The following NUDCD2 variants were observed in gnomAD, a reference collection of about 807,000 sequenced individuals.
NUDCD2 encodes NudC domain containing 2, also known as nudC domain-containing protein 2.
Under a neutral mutation model 20.8 loss-of-function variants are expected in NUDCD2, and 16 were observed. The observed-to-expected ratio is 0.77, with a 90% CI of 0.52 to 1.17. NUDCD2 has a LOEUF of 1.17. Among genes scored for constraint, NUDCD2 ranks in the 50% most tolerant of loss-of-function variants. The probability of loss-of-function intolerance (pLI) is 0.00; values close to 1 mark genes in which losing one functional copy is unlikely to be tolerated. For synonymous variants in NUDCD2, 87 were observed against 72.8 expected (o/e 1.20, Z -1.00); for missense variants, 199 against 193.9 (o/e 1.03, Z -0.16).
rs969844678 is a variant in NUDCD2 at position 163,449,948 on chromosome 5, A to C, written c.*4019T>G. The C allele has an allele frequency of 6.6e-6, 1 of 152,174 alleles. No homozygotes were observed. The allele number at this position is 152,174 out of a possible 1,614,324, so 9.4% of individuals were successfully genotyped here. A position where few individuals can be genotyped will look rare whatever the true frequency, so the allele number is the denominator to read the frequency against. ...TCTAAATGTAGAACTAAATTTATAA[A>C]ATTTTTAGAAGAAAAAAATCCATAG... is the stretch of plus-strand genomic sequence containing the variant. On this transcript the variant is annotated 3_prime_UTR_variant, in exon 4 of 4. Coordinates refer to ENST00000302764, the MANE Select transcript of NUDCD2 (RefSeq NM_145266.6).
In NUDCD2 at chr5:163,460,007, C is replaced by G; in HGVS notation, c.44G>C (p.Gly15Ala). 1 of 1,612,466 alleles carries G rather than the reference C, an allele frequency of 6.2e-7. No individual in the cohort carries two copies. Among genetic ancestry groups the G allele is most frequent in the South Asian group, 1.1e-5 (1 of 90,972 alleles). Residue 15 changes from glycine (G) to alanine (A), a missense_variant, in exon 1 of 4, where the codon GGG (glycine) becomes GCG (alanine). Physicochemically the swap from Gly to Ala is moderately conservative, Grantham distance 60. Coordinates refer to ENST00000302764, the MANE Select transcript of NUDCD2 (RefSeq NM_145266.6). The stretch of plus-strand genomic sequence containing the variant: ...CTGGTACCACTGGCCCCACGGGGTC[C>G]CGCACGGTACCACCCCACTCCGCTC... Reference protein sequence around the residue: ...FEERSGVVPCGTPWGQWYQTL... With the variant: ...FEERSGVVPCATPWGQWYQTL...
In NUDCD2 at chr5:163,456,971, G is replaced by A. The variant is rs1464763795; in HGVS notation, c.348C>T (p.Asp116=). Residue 116 remains aspartate, a synonymous_variant, in exon 3 of 4, where the codon GAC becomes GAT. Coordinates refer to ENST00000302764, the MANE Select transcript of NUDCD2 (RefSeq NM_145266.6). ...SEYAADPWVQ[D]QMQRKLTLER... is the part of the protein sequence containing the mutation. ...CTAATGTAAGCTTTCTCTGCATTTG[G>A]TCTTGCACCCAAGGATCCGCTGCAT... 6.2e-7 allele frequency: 1 copy of A among 1,612,092 alleles called. No homozygotes were observed. Among genetic ancestry groups the A allele is most frequent in the Non-Finnish European group, 8.5e-7 (1 of 1,179,226 alleles).
At position 163,460,093 on chromosome 5, in the gene NUDCD2, G is replaced by A. The variant is rs767189408; in HGVS notation, c.-43C>T. On this transcript the variant is annotated 5_prime_UTR_variant, in exon 1 of 4. Transcript: ENST00000302764. ...CCGCGGCCGCACCAGGCGGAGCCGAGCGCACGCGCGGAATCCCACGCTTAG... is the reference window on the plus strand; with the variant it reads ...CCGCGGCCGCACCAGGCGGAGCCGAACGCACGCGCGGAATCCCACGCTTAG... 1 of 1,497,100 alleles carries A rather than the reference G, an allele frequency of 6.7e-7. No homozygotes were observed. Among genetic ancestry groups the A allele is most frequent in the Non-Finnish European group, 8.9e-7 (1 of 1,122,388 alleles). 92.7% of individuals were successfully genotyped at this position (1,497,100 alleles called of 1,614,324 possible).
At position 163,453,041 on chromosome 5, in the gene NUDCD2, T is replaced by G. The variant is rs1758215327; in HGVS notation, c.*926A>C. 6.6e-6 allele frequency: 1 copy of G among 152,312 alleles called. No individual in the cohort carries two copies. The allele number at this position is 152,312 out of a possible 1,614,324, so 9.4% of individuals were successfully genotyped here. A position where few individuals can be genotyped will look rare whatever the true frequency, so the allele number is the denominator to read the frequency against. On this transcript the variant is annotated 3_prime_UTR_variant, in exon 4 of 4. Coordinates refer to ENST00000302764, the MANE Select transcript of NUDCD2 (RefSeq NM_145266.6). ...ACGTAAATTTCCTGATTCTAATGGT[T>G]GCATTGTAGTCATGTAAGATAATTT...
At chr5:163,455,241 T>G (rs1758273375) in intron 3 of NUDCD2, among the ~76,000 whole-genome samples, 1 of 152,266 alleles carries the variant, frequency 6.6e-6, no homozygotes, top group Non-Finnish European at 1.5e-5. Flanking sequence ...ACATAAAAGT[T>G]AGCCAAACTG....
intron 2 of NUDCD2, 58 bp downstream of exon 2, chr5:163,457,501 AGAG>A (rs1758353299): frequency 1.0e-6 from 1 of 986,436 alleles, no homozygotes; most frequent in Non-Finnish European, 1.6e-6. Context: ...CTAATACAAA[AGAG>A]GAAAAGATAT....
In NUDCD2 at chr5:163,449,460, CTGAAA is replaced by C. The variant is rs1056696342; in HGVS notation, c.*4502_*4506del. 1.3e-5 allele frequency: 2 copies of C among 152,080 alleles called. No homozygotes were observed. The highest frequency in any genetic ancestry group is 2.9e-5 in the Non-Finnish European group (2 of 68,020). The allele number at this position is 152,080 out of a possible 1,614,324, so 9.4% of individuals were successfully genotyped here. A position where few individuals can be genotyped will look rare whatever the true frequency, so the allele number is the denominator to read the frequency against. On this transcript the variant is annotated 3_prime_UTR_variant, in exon 4 of 4. Coordinates refer to ENST00000302764, the MANE Select transcript of NUDCD2 (RefSeq NM_145266.6). ...GAAAAATGACATAAAATGCTGATAA[CTGAAA>C]TGAAAGAGGTCCTAAATAGATACCT...
At chr5:163,455,684 A>T (rs1043172019) in intron 3 of NUDCD2, among the ~76,000 whole-genome samples, 2 of 151,064 alleles carry the variant, frequency 1.3e-5, no homozygotes, top group Non-Finnish European at 3.0e-5. Context: ...GACTGGCGGG[A>T]ATCCGGGAGG....
rs1272051203 is a variant in NUDCD2, at chr5:163,448,744, T to C, written c.*5223A>G. 1 of 152,130 alleles carries C rather than the reference T, an allele frequency of 6.6e-6. No individual in the cohort carries two copies. The highest frequency in any genetic ancestry group is 1.5e-5 in the Non-Finnish European group (1 of 68,006). 9.4% of individuals were successfully genotyped at this position (152,130 alleles called of 1,614,324 possible). A position where few individuals can be genotyped will look rare whatever the true frequency, so the allele number is the denominator to read the frequency against. On this transcript the variant is annotated 3_prime_UTR_variant, in exon 4 of 4. Transcript: ENST00000302764. ...TAAAAATCCTCAAAAAATAAAAATC[T>C]AGATACATAAGCTGAATAATGTACC...
chr5:163,457,224 C>CG (rs1554095189), intron 2 of NUDCD2, 144 bp from the exon 3 acceptor site: 12 of 832,376 alleles, frequency 1.4e-5, no homozygotes, highest in Admixed American at 9.8e-5. Context: ...CTCCGCCCCC[C>CG]GGGTTCAAGT....
rs1397601193 is a variant in NUDCD2 at position 163,447,458 on chromosome 5, A to C, written c.*6509T>G. On this transcript the variant is annotated 3_prime_UTR_variant, in exon 4 of 4. Transcript: ENST00000302764. ...AGGGTAAGACTCAAAAAAAAAAAAA[A>C]AAACATGAAGCAAAAAGTGGTAGCA... 6.6e-6 allele frequency: 1 copy of C among 152,090 alleles called. No individual in the cohort carries two copies. The highest frequency in any genetic ancestry group is 6.6e-5 in the Admixed American group (1 of 15,266). The allele number at this position is 152,090 out of a possible 1,614,324, so 9.4% of individuals were successfully genotyped here.
chr5:163,453,001 GGTA>G lies in NUDCD2; in HGVS notation c.*963_*965del, dbSNP rs1758214099. ...TGAAGTGAAGATCTGAGGATTAGAG[GGTA>G]GTAATGTGTCAACGTAAATTTCCTG... On this transcript the variant is annotated 3_prime_UTR_variant, in exon 4 of 4. Coordinates refer to ENST00000302764, the MANE Select transcript of NUDCD2 (RefSeq NM_145266.6). 6.6e-6 allele frequency: 1 copy of G among 152,088 alleles called. No individual in the cohort carries two copies. Among genetic ancestry groups the G allele is most frequent in the African/African-American group, 2.4e-5 (1 of 41,424 alleles). 9.4% of individuals were successfully genotyped at this position (152,088 alleles called of 1,614,324 possible). A position where few individuals can be genotyped will look rare whatever the true frequency, so the allele number is the denominator to read the frequency against.
chr5:163,454,013 C>A lies in NUDCD2; in HGVS notation c.428G>T (p.Gly143Val). The A allele has an allele frequency of 6.4e-7, 1 of 1,558,974 alleles. No homozygotes were observed. Among genetic ancestry groups the A allele is most frequent in the South Asian group, 1.2e-5 (1 of 81,442 alleles). ...ATCTGGTCCACCTTTAGTGTAGTTT[C>A]CTGAGATTTCTGCTCCACTGAAGTC... Reference protein sequence around the residue: ...GFDFSGAEISGNYTKGGPDFS... With the variant: ...GFDFSGAEISVNYTKGGPDFS... The change falls in exon 4 of 4, where the codon GGA (glycine) becomes GTA (valine). Residue 143 changes from glycine to valine, a missense_variant. By Grantham distance (109) the Gly-to-Val change is moderately radical. Transcript: ENST00000302764.
At position 163,460,077 on chromosome 5, in the gene NUDCD2, C is replaced by A. The variant is rs772366099; in HGVS notation, c.-27G>T. 6.6e-7 allele frequency: 1 copy of A among 1,522,840 alleles called. No homozygotes were observed. The highest frequency in any genetic ancestry group is 1.3e-5 in the South Asian group (1 of 78,940). The allele number at this position is 1,522,840 out of a possible 1,614,324, so 94.3% of individuals were successfully genotyped here. On this transcript the variant is annotated 5_prime_UTR_variant, in exon 1 of 4. Transcript: ENST00000302764. Reference sequence around the variant, plus strand: ...ATCCAGTCCCTCCCGGCCGCGGCCGCACCAGGCGGAGCCGAGCGCACGCGC... The same window carrying A: ...ATCCAGTCCCTCCCGGCCGCGGCCGAACCAGGCGGAGCCGAGCGCACGCGC...
chr5:163,458,540 A>G (rs1758382592), intron 1 of NUDCD2, among the ~76,000 whole-genome samples: 1 of 152,106 alleles, frequency 6.6e-6, no homozygotes, highest in Non-Finnish European at 1.5e-5. Context: ...GCTGTGAGCT[A>G]CAATCTCACC....
chr5:163,459,732 G>T, intron 1 of NUDCD2, 130 bp downstream of exon 1: 1 of 738,002 alleles, frequency 1.4e-6, no homozygotes, highest in Non-Finnish European at 2.1e-6. Flanking sequence ...ACCCAAACCT[G>T]GTCAGTGTTA....
At chr5:163,458,032 A>G (rs13175570) in intron 1 of NUDCD2, among the ~76,000 whole-genome samples, 26,251 of 119,586 alleles carry the variant, frequency 0.22, 2,829 homozygotes, top group South Asian at 0.42. Context: ...TCTGTCGCCC[A>G]GGCTGCAGTG....
Position 163,458,497 on chromosome 5 carries a change from A to C in NUDCD2, c.190-887T>G, listed in dbSNP as rs568059860. On this transcript the variant is annotated intron_variant, in intron 1 of 3. Coordinates refer to ENST00000302764, the MANE Select transcript of NUDCD2 (RefSeq NM_145266.6). ...TGTAATCCCAGGACTTTGGAGGCCA[A>C]CGTGGATTGCTTGACCCCATGGGTT... 7.8e-3 allele frequency among the ~76,000 whole-genome samples: 1,188 copies of C among 152,236 alleles called. 8 individuals are homozygous for C. The highest frequency in any genetic ancestry group is 0.027 in the Middle Eastern group (8 of 294).
intron 1 of NUDCD2, 30 bp downstream of exon 1, chr5:163,459,832 A>C: frequency 1.9e-6 from 3 of 1,568,082 alleles, no homozygotes; most frequent in Non-Finnish European, 2.6e-6. Context: ...GGGAAGAGGA[A>C]ACTGAACACA....
Sources: gnomAD v4.1 joint callset for allele counts (sites outside exome capture counted in the v4.1 genomes callset) on GRCh38, gnomAD v4.1.1 for gene constraint, MANE v1.5 for transcripts, NCBI Gene and HGNC (gene_info 2026-07-23, HGNC 2026-07-21) for gene names.